The following SAMD8 variants were observed in gnomAD, a reference collection of about 807,000 sequenced individuals.
The protein encoded by SAMD8 is sterile alpha motif domain containing 8, also known as sphingomyelin synthase-related protein 1.
Under a neutral mutation model 42.0 loss-of-function variants are expected in SAMD8, and 20 were observed. The ratio of observed to expected loss-of-function variants is 0.48; its 90% CI spans 0.34 to 0.69. The LOEUF is 0.69. Ranked by LOEUF, SAMD8 falls within the 30% of genes least tolerant of loss-of-function variation. The probability of loss-of-function intolerance (pLI) is 0.01; values close to 1 mark genes in which losing one functional copy is unlikely to be tolerated. For synonymous variants in SAMD8, 162 were observed against 173.0 expected (o/e 0.94, Z 0.50); for missense variants, 328 against 511.6 (o/e 0.64, Z 3.46).
At position 75,182,095 on chromosome 10, in the gene SAMD8, C is replaced by T. The variant is rs1227866088; in HGVS notation, c.*5403C>T. ...TTTGTTGTATTAAAATGTTTAAAAA[C>T]ACTAAAAATAAAACATTTGAAAGTT... On this transcript the variant is annotated 3_prime_UTR_variant, in exon 6 of 6. Transcript: ENST00000542569. The T allele has an allele frequency of 6.6e-6, 1 of 152,148 alleles. No individual in the cohort carries two copies. The allele number at this position is 152,148 out of a possible 1,614,324, so 9.4% of individuals were successfully genotyped here.
intron 2 of SAMD8, 25 bp downstream of exon 2, chr10:75,151,131 G>A (rs1023729261): frequency 2.3e-6 from 3 of 1,280,268 alleles, no homozygotes; most frequent in Non-Finnish European, 3.2e-6. Context: ...TAGTTGCTAA[G>A]TTTGTAGGAT....
intron 1 of SAMD8, among the ~76,000 whole-genome samples, chr10:75,141,850 C>G (rs758465700): frequency 6.6e-6 from 1 of 151,498 alleles, no homozygotes; most frequent in Non-Finnish European, 1.5e-5. Context: ...CTGCCTTTTG[C>G]TTCTTTTTTT....
In SAMD8 at chr10:75,142,843, C is replaced by T. The variant is rs1840051677; in HGVS notation, c.-15-7671C>T. On this transcript the variant is annotated intron_variant, in intron 1 of 5. Coordinates refer to ENST00000542569, the MANE Select transcript of SAMD8 (RefSeq NM_001174156.2). ...AGGAGTCTTGAAAAACCAAACAAAA[C>T]ATCAATACAAATGAATATCCTTCTA... 2.0e-5 allele frequency among the ~76,000 whole-genome samples: 3 copies of T among 151,900 alleles called. No individual in the cohort carries two copies. The South Asian group carries it at 6.2e-4, about 32-fold the overall frequency.
rs536191813 is a variant in SAMD8, at chr10:75,137,228, A to T, written c.-15-13286A>T. ...AAATGTGATATATACATAGAAGGGG[A>T]TATTATTCAGCCTTAGAAAGAAAAT... On this transcript the variant is annotated intron_variant, in intron 1 of 5. Transcript: ENST00000542569. Among the ~76,000 whole-genome samples, 24 of 152,268 alleles carry T rather than the reference A, an allele frequency of 1.6e-4. 1 individual carries two copies. In the South Asian group the frequency reaches 4.8e-3, roughly 30 times the overall value.
chr10:75,131,895 A>C (rs962605409), intron 1 of SAMD8, among the ~76,000 whole-genome samples: 10 of 152,202 alleles, frequency 6.6e-5, no homozygotes, highest in African/African-American at 2.4e-4. Context: ...TCACGTGGGG[A>C]GCTTTTTAAA....
intron 4 of SAMD8, among the ~76,000 whole-genome samples, chr10:75,173,372 T>C (rs1442944981): frequency 6.6e-6 from 1 of 152,224 alleles, no homozygotes; most frequent in Non-Finnish European, 1.5e-5. Context: ...ATGCCTATTT[T>C]TGAAATTTAG....
intron 1 of SAMD8, among the ~76,000 whole-genome samples, chr10:75,145,368 C>G (rs371055231): frequency 6.6e-5 from 10 of 152,274 alleles, no homozygotes; most frequent in African/African-American, 2.4e-4. Flanking sequence ...GATTCTTCTC[C>G]TCATTATAAG....
intron 1 of SAMD8, 54 bp downstream of exon 1, chr10:75,111,776 A>G: frequency 1.6e-6 from 2 of 1,232,246 alleles, no homozygotes; most frequent in Non-Finnish European, 2.0e-6. Flanking sequence ...CCTGCTGCCA[A>G]GGGTGAGTGG....
intron 1 of SAMD8, among the ~76,000 whole-genome samples, chr10:75,117,827 G>A (rs1337592103): frequency 1.3e-5 from 2 of 152,236 alleles, no homozygotes; most frequent in Non-Finnish European, 2.9e-5. Context: ...CTGGTTTGCT[G>A]TGGCATTGCA....
intron 1 of SAMD8, among the ~76,000 whole-genome samples, chr10:75,135,896 T>A (rs1372913675): frequency 6.6e-6 from 1 of 150,840 alleles, no homozygotes; most frequent in African/African-American, 2.4e-5. Context: ...TGATTGCTGC[T>A]TTTTTTTTGC....
At chr10:75,141,397 C>T (rs1039679812) in intron 1 of SAMD8, among the ~76,000 whole-genome samples, 60 of 151,132 alleles carry the variant, frequency 4.0e-4, no homozygotes, top group Non-Finnish European at 6.3e-4. Flanking sequence ...TTTTGTTTGT[C>T]GATACTATAT....
rs57933345 is a variant in SAMD8, at chr10:75,160,363, A to AT, written c.579-4267dup. 7.2e-3 allele frequency among the ~76,000 whole-genome samples: 1,028 copies of AT among 143,024 alleles called. 8 individuals carry two copies. Among genetic ancestry groups the AT allele is most frequent in the East Asian group, 0.018 (87 of 4,928 alleles). The allele number at this position is 143,024 out of a possible 152,430, so 93.8% of individuals were successfully genotyped here. The stretch of plus-strand genomic sequence containing the variant: ...AGGCGCCCGCCACCACGCCAGGCTA[A>AT]TTTTTTTTTTTTTTTGTATTTTTTA... On this transcript the variant is annotated intron_variant, in intron 2 of 5. Transcript: ENST00000542569.
intron 3 of SAMD8, among the ~76,000 whole-genome samples, chr10:75,167,899 A>C (rs1840729126): frequency 6.6e-6 from 1 of 152,202 alleles, no homozygotes; most frequent in Non-Finnish European, 1.5e-5. Flanking sequence ...GGCCAACTTT[A>C]TCTCTTATAA....
At position 75,179,052 on chromosome 10, in the gene SAMD8, A is replaced by T. The variant is rs1208521368; in HGVS notation, c.*2360A>T. On this transcript the variant is annotated 3_prime_UTR_variant, in exon 6 of 6. Transcript: ENST00000542569. Reference sequence around the variant, plus strand: ...TCAAAACGAAACAAAACAAAACAAAACAAATTAGAGTGGGTGCAGTGTCTA... The same window carrying T: ...TCAAAACGAAACAAAACAAAACAAATCAAATTAGAGTGGGTGCAGTGTCTA... The T allele has an allele frequency of 1.3e-5, 2 of 152,352 alleles. No individual in the cohort carries two copies. The highest frequency in any genetic ancestry group is 1.5e-5 in the Non-Finnish European group (1 of 68,422). 9.4% of individuals were successfully genotyped at this position (152,352 alleles called of 1,614,324 possible).
intron 1 of SAMD8, chr10:75,101,766 A>ACCC: frequency 1.3e-6 from 1 of 748,174 alleles, no homozygotes; most frequent in Non-Finnish European, 2.1e-6. Flanking sequence ...CCCAACCCAA[A>ACCC]CCCCACCCCT....
intron 1 of SAMD8, among the ~76,000 whole-genome samples, chr10:75,134,636 C>G (rs574803735): frequency 8.5e-4 from 129 of 151,686 alleles, no homozygotes; most frequent in Non-Finnish European, 1.4e-3. Context: ...CTTTCCCCCC[C>G]CCAAAAAAAA....
intron 1 of SAMD8, among the ~76,000 whole-genome samples, chr10:75,136,058 T>G (rs1839879797): frequency 6.7e-6 from 1 of 150,322 alleles, no homozygotes; most frequent in Non-Finnish European, 1.5e-5. Context: ...GAGTGCTACT[T>G]TTCTTTTCTT....
At chr10:75,160,922 G>A (rs1840543016) in intron 2 of SAMD8, among the ~76,000 whole-genome samples, 1 of 152,152 alleles carries the variant, frequency 6.6e-6, no homozygotes, top group South Asian at 2.1e-4. Context: ...ACAAAAATTA[G>A]CCAGGCATGG....
At chr10:75,106,101 CTTTTTT>C (rs767630456) in intron 1 of SAMD8, among the ~76,000 whole-genome samples, 4 of 123,022 alleles carry the variant, frequency 3.3e-5, no homozygotes, top group Non-Finnish European at 6.9e-5. Context: ...TCTTTCTTTT[CTTTTTT>C]TTTTTTTTTT....
Sources: allele counts gnomAD v4.1 joint callset (sites outside exome capture counted in the v4.1 genomes callset), GRCh38; gene constraint gnomAD v4.1.1; transcripts MANE v1.5; gene names NCBI Gene and HGNC (gene_info 2026-07-23, HGNC 2026-07-21).